RGS3: variants seen among roughly 807,000 people sequenced by gnomAD.
RGS3 encodes regulator of G protein signaling 3.
RGS3 carries 80 observed loss-of-function variants against 132.6 expected under a neutral mutation model. The observed-to-expected ratio is 0.60, with a 90% CI of 0.50 to 0.73. The LOEUF (loss-of-function observed/expected upper bound fraction) is 0.73, where lower values mean the gene tolerates loss of function less well. Ranked by LOEUF, RGS3 falls within the 30% of genes least tolerant of loss-of-function variation. The pLI is 0.00. For missense variants in RGS3, 1,382 were observed against 1,530.8 expected, an observed-to-expected ratio of 0.90 and a Z score of 1.62; for synonymous variants, 598 against 620.6, an observed-to-expected ratio of 0.96 and a Z score of 0.54.
At chr9:113,595,808 G>A (rs1172125501) in intron 24 of RGS3, 43 bp downstream of exon 22, 1 of 1,591,896 alleles carries the variant, frequency 6.3e-7, no homozygotes, top group South Asian at 1.1e-5. Flanking sequence ...AATCCCCAGG[G>A]CCCAGTGGCC....
chr9:113,479,233 C>T, intron 3 of RGS3: 2 of 521,354 alleles, frequency 3.8e-6, no homozygotes, highest in Non-Finnish European at 6.9e-6. Context: ...GCTGCCTGTA[C>T]AGTAGTGAGC....
At chr9:113,474,840 T>C (rs1359464570) in intron 3 of RGS3, among the ~76,000 whole-genome samples, 1 of 152,132 alleles carries the variant, frequency 6.6e-6, no homozygotes. Flanking sequence ...TGGCATGGGC[T>C]CCCACTGGGA....
At chr9:113,576,271 G>A (rs1256882995) in intron 19 of RGS3, among the ~76,000 whole-genome samples, 2 of 151,918 alleles carry the variant, frequency 1.3e-5, no homozygotes, top group Admixed American at 6.6e-5. Flanking sequence ...GCTGCTGCTG[G>A]CTCTTGGGCT....
At chr9:113,555,987 G>A (rs1334243336) in intron 19 of RGS3, among the ~76,000 whole-genome samples, 1 of 152,078 alleles carries the variant, frequency 6.6e-6, no homozygotes, top group Non-Finnish European at 1.5e-5. Flanking sequence ...GTCTGTGGGT[G>A]GTATCCTTTC....
chr9:113,595,757 T>C, exon 24 of RGS3: 3 of 1,613,898 alleles, frequency 1.9e-6, no homozygotes, highest in Non-Finnish European at 2.5e-6. Flanking sequence ...GATCCAGGCA[T>C]GCAAGGAGGT....
chr9:113,542,024 G>A (rs7851937), intron 19 of RGS3: 34,892 of 186,806 alleles, frequency 0.19, 3,376 homozygotes, highest in African/African-American at 0.22. Context: ...ACACACACAC[G>A]TGCACACACG....
chr9:113,498,146 C>T (rs1002043204), intron 10 of RGS3, 66 bp downstream of exon 8: 35 of 1,449,556 alleles, frequency 2.4e-5, no homozygotes, highest in Middle Eastern at 3.5e-4. Flanking sequence ...CCCCTGGGCC[C>T]GGGAAACCCC....
intron 1 of RGS3, among the ~76,000 whole-genome samples, chr9:113,448,570 C>T (rs917659258): frequency 5.3e-5 from 8 of 152,128 alleles, no homozygotes. Flanking sequence ...TCTCCTCTTT[C>T]ACTTTTTCTC....
At chr9:113,564,063 C>T (rs1239710257) in intron 19 of RGS3, among the ~76,000 whole-genome samples, 3 of 152,194 alleles carry the variant, frequency 2.0e-5, no homozygotes, top group African/African-American at 7.2e-5. Context: ...TCAGGGACAG[C>T]CCAGGGTGCA....
Position 113,548,368 on chromosome 9 carries a change from C to T in RGS3, c.2037+11450C>T, listed in dbSNP as rs1025932507. Among the ~76,000 whole-genome samples the T allele has an allele frequency of 1.5e-4, 23 of 152,134 alleles. 1 individual carries two copies. Among genetic ancestry groups the T allele is most frequent in the Non-Finnish European group, 7.4e-5 (5 of 68,018 alleles). Reference sequence around the variant, plus strand: ...ATTGAGAAAGCAGCTCAGCTAGTGGCGTGGGGAGAGGTTGTCTAGTCCTCT... The same window carrying T: ...ATTGAGAAAGCAGCTCAGCTAGTGGTGTGGGGAGAGGTTGTCTAGTCCTCT... On this transcript the variant is annotated intron_variant, in intron 19 of 24. Coordinates refer to ENST00000350696, the Ensembl canonical transcript of RGS3.
At chr9:113,485,811 C>T in intron 7 of RGS3, 118 bp downstream of exon 5, 2 of 692,096 alleles carry the variant, frequency 2.9e-6, no homozygotes, top group Admixed American at 4.9e-5. Context: ...GTGATAGTGG[C>T]AATACTAAAT....
intron 3 of RGS3, 134 bp from the exon 2 acceptor site, chr9:113,479,357 C>T: frequency 2.2e-6 from 2 of 910,726 alleles, no homozygotes; most frequent in Non-Finnish European, 1.8e-6. Context: ...AGGTCCCTGC[C>T]AGCCAGAGAC....
chr9:113,495,453 G>A (rs1830650166), intron 7 of RGS3, among the ~76,000 whole-genome samples: 1 of 152,176 alleles, frequency 6.6e-6, no homozygotes, highest in Non-Finnish European at 1.5e-5. Flanking sequence ...GAGGTTCCCT[G>A]TGGGGACCAG....
exon 20 of RGS3, chr9:113,583,746 C>T (rs530082625): frequency 6.2e-7 from 1 of 1,614,134 alleles, no homozygotes; most frequent in African/African-American, 1.3e-5. Context: ...ACCTCTCACC[C>T]TGCCAGGACC....
intron 10 of RGS3, chr9:113,501,260 A>G (rs558436451): frequency 4.5e-6 from 2 of 444,494 alleles, no homozygotes; most frequent in South Asian, 9.1e-5. Context: ...AAAGTGGCCC[A>G]TGGCGGAGAA....
chr9:113,452,892 T>C (rs904983685), intron 1 of RGS3, among the ~76,000 whole-genome samples: 10 of 126,364 alleles, frequency 7.9e-5, no homozygotes, highest in African/African-American at 2.7e-4. Context: ...TGGGTCTTTT[T>C]ATATATATAA....
chr9:113,570,646 C>T (rs1481243501), intron 19 of RGS3, among the ~76,000 whole-genome samples: 2 of 151,990 alleles, frequency 1.3e-5, no homozygotes, highest in African/African-American at 2.4e-5. Context: ...AAGGTAACCC[C>T]GTCCTGACTT....
intron 19 of RGS3, chr9:113,582,096 G>A (rs1834849715): frequency 1.0e-6 from 1 of 985,450 alleles, no homozygotes; most frequent in Non-Finnish European, 1.2e-6. Context: ...CCTGACACGT[G>A]TGTGCAGCAG....
chr9:113,447,304 C>A (rs1388369409), intron 1 of RGS3, among the ~76,000 whole-genome samples: 2 of 49,914 alleles, frequency 4.0e-5, no homozygotes, highest in South Asian at 1.0e-3. Flanking sequence ...AGGGTGTAAA[C>A]CAATAAATTC....
Sources: gnomAD v4.1 joint callset for allele counts (sites outside exome capture counted in the v4.1 genomes callset) on GRCh38, gnomAD v4.1.1 for gene constraint, MANE v1.5 for transcripts, NCBI Gene and HGNC (gene_info 2026-07-23, HGNC 2026-07-21) for gene names.